PIGN: variants seen among roughly 807,000 people sequenced by gnomAD.
PIGN encodes the protein GPI ethanolamine phosphate transferase 1.
Under a neutral mutation model 125.4 loss-of-function variants are expected in PIGN, and 117 were observed. The ratio of observed to expected loss-of-function variants is 0.93; its 90% CI spans 0.80 to 1.09. The LOEUF (loss-of-function observed/expected upper bound fraction) is 1.09. Ranked by LOEUF, PIGN falls within the 50% of genes least tolerant of loss-of-function variation. The probability of loss-of-function intolerance (pLI) is 0.00; values close to 1 mark genes in which losing one functional copy is unlikely to be tolerated. For synonymous variants in PIGN, 392 were observed against 377.8 expected (o/e 1.04, Z -0.44); for missense variants, 1,075 against 1,094.9 (o/e 0.98, Z 0.26).
chr18:62,020,220 G>T (rs138658364), intron 23 of PIGN, among the ~76,000 whole-genome samples: 1 of 152,330 alleles, frequency 6.6e-6, no homozygotes, highest in East Asian at 1.9e-4. Context: ...CCCCAGAAAG[G>T]CTGCTCTAGA....
At chr18:62,110,218 A>C in intron 16 of PIGN, 1 of 356,962 alleles carries the variant, frequency 2.8e-6, no homozygotes, top group East Asian at 4.6e-5. Context: ...AAAAGTGACT[A>C]TGGCCTTAAA....
intron 7 of PIGN, among the ~76,000 whole-genome samples, chr18:62,148,909 G>C (rs1467729143): frequency 1.3e-5 from 2 of 151,974 alleles, no homozygotes; most frequent in Non-Finnish European, 2.9e-5. Context: ...GTGAGGCTGG[G>C]AATAATTAAT....
At chr18:62,073,170 GGTGT>G (rs34182707) in intron 29 of PIGN, among the ~76,000 whole-genome samples, 3,384 of 145,456 alleles carry the variant, frequency 0.023, 59 homozygotes, top group South Asian at 0.1. Flanking sequence ...AATTATCAGG[GGTGT>G]GTGTGTGTGT....
intron 28 of PIGN, among the ~76,000 whole-genome samples, chr18:62,078,503 C>CA (rs2033287230): frequency 6.6e-6 from 1 of 152,220 alleles, no homozygotes; most frequent in Admixed American, 6.5e-5. Context: ...TACTGACTCT[C>CA]AGAGGCCTTC....
At chr18:62,108,144 A>G (rs1455593993) in intron 17 of PIGN, among the ~76,000 whole-genome samples, 4 of 152,236 alleles carry the variant, frequency 2.6e-5, no homozygotes. Context: ...AACACCAGTC[A>G]AAAGGGGAAT....
At chr18:62,169,997 A>C (rs1241047894) in intron 1 of PIGN, among the ~76,000 whole-genome samples, 1 of 152,184 alleles carries the variant, frequency 6.6e-6, no homozygotes, top group Non-Finnish European at 1.5e-5. Flanking sequence ...TCCCACCAGC[A>C]ATATATGAGA....
chr18:62,023,061 T>G (rs771549950), intron 23 of PIGN, among the ~76,000 whole-genome samples: 22 of 152,218 alleles, frequency 1.4e-4, no homozygotes, highest in Non-Finnish European at 2.4e-4. Flanking sequence ...GATGCAATTT[T>G]TTTTTTCTGA....
rs1287629406 is a variant in PIGN, at chr18:62,043,596, C to T, written c.*2260G>A. The T allele has an allele frequency of 1.3e-5, 2 of 152,078 alleles. No homozygotes were observed. Among genetic ancestry groups the T allele is most frequent in the African/African-American group, 2.4e-5 (1 of 41,416 alleles). 9.4% of individuals were successfully genotyped at this position (152,078 alleles called of 1,614,324 possible). On this transcript the variant is annotated 3_prime_UTR_variant, in exon 31 of 31. Coordinates refer to ENST00000640252, the MANE Select transcript of PIGN (RefSeq NM_176787.5). ...TATGAAAATATACAATCATTTATAA[C>T]ATTATTTTCCTAAAAAATAAAAAAG...
intron 23 of PIGN, among the ~76,000 whole-genome samples, chr18:62,023,084 C>T (rs546790011): frequency 2.5e-4 from 38 of 151,974 alleles, no homozygotes; most frequent in Admixed American, 7.9e-4. Context: ...ATTTTTGATC[C>T]GCTATTGGTT....
At chr18:62,065,174 T>C (rs781330678) in intron 30 of PIGN, among the ~76,000 whole-genome samples, 1 of 152,210 alleles carries the variant, frequency 6.6e-6, no homozygotes, top group Non-Finnish European at 1.5e-5. Flanking sequence ...ATGCCTTCCT[T>C]CCTTCCTTTC....
chr18:62,158,455 G>C (rs774013812), intron 4 of PIGN, among the ~76,000 whole-genome samples: 1 of 152,174 alleles, frequency 6.6e-6, no homozygotes, highest in Non-Finnish European at 1.5e-5. Context: ...CTAATTAGGA[G>C]TTAAATTATA....
At chr18:62,173,407 C>T (rs975789518) in intron 1 of PIGN, among the ~76,000 whole-genome samples, 3 of 152,026 alleles carry the variant, frequency 2.0e-5, no homozygotes, top group East Asian at 1.9e-4. Context: ...TTTTATTTTA[C>T]TTTTTCTAGA....
chr18:62,084,671 C>T, intron 26 of PIGN, 65 bp from the exon 27 acceptor site: 3 of 1,003,246 alleles, frequency 3.0e-6, no homozygotes, highest in Non-Finnish European at 4.6e-6. Context: ...GAATATTCTT[C>T]TAAAAAGATG....
At chr18:62,179,002 C>T (rs546567495) in intron 1 of PIGN, among the ~76,000 whole-genome samples, 37 of 152,206 alleles carry the variant, frequency 2.4e-4, no homozygotes, top group African/African-American at 8.4e-4. Context: ...TCAGACTTTG[C>T]TTGTTTTGAT....
chr18:62,039,938 C>G (rs551770438), downstream of PIGN, among the ~76,000 whole-genome samples: 20 of 46,144 alleles, frequency 4.3e-4, no homozygotes, highest in African/African-American at 2.0e-3. Context: ...ATGTTTAGGG[C>G]CCCATCCAGG....
In PIGN at chr18:62,147,098, G is replaced by C; in HGVS notation, c.678C>G (p.Asp226Glu). ...NGHAHRPSSRDYKHNIKKVDD... is the reference protein window; with the variant it reads ...NGHAHRPSSREYKHNIKKVDD... ...CAACTTTTTTAATATTGTGCTTGTA[G>C]TCTCTATTTGTAAAGAAACAGAGGA... is the stretch of plus-strand genomic sequence containing the variant. Residue 226 changes from aspartate to glutamate, a missense_variant, in exon 9 of 31, where the codon GAC (aspartate) becomes GAG (glutamate). By Grantham distance (45) the Asp-to-Glu change is conservative. This residue lies in a region of PIGN where 915 missense variants were observed against 908.7 expected (regional missense o/e 1.01). Transcript: ENST00000640252. The C allele has an allele frequency of 6.3e-7, 1 of 1,594,086 alleles. No individual in the cohort carries two copies. The highest frequency in any genetic ancestry group is 8.6e-7 in the Non-Finnish European group (1 of 1,166,434).
chr18:62,108,232 T>C (rs2034729456), intron 17 of PIGN, among the ~76,000 whole-genome samples: 2 of 152,284 alleles, frequency 1.3e-5, no homozygotes, highest in African/African-American at 4.8e-5. Context: ...AGACTGTGAA[T>C]TTTTATGTCT....
At chr18:62,035,304 A>C (rs1357744368) in intron 23 of PIGN, among the ~76,000 whole-genome samples, 3 of 152,204 alleles carry the variant, frequency 2.0e-5, no homozygotes, top group Admixed American at 2.0e-4. Context: ...CACCCCAAAG[A>C]AAAGCAATGG....
intron 23 of PIGN, among the ~76,000 whole-genome samples, chr18:62,018,820 C>A (rs1377096646): frequency 6.6e-6 from 1 of 152,014 alleles, no homozygotes; most frequent in Non-Finnish European, 1.5e-5. Context: ...CAGAAAGGAG[C>A]TAACCTCACT....
Sources: allele counts gnomAD v4.1 joint callset (sites outside exome capture counted in the v4.1 genomes callset), GRCh38; gene constraint gnomAD v4.1.1; regional missense constraint gnomAD v4.1.1; transcripts MANE v1.5; gene names NCBI Gene and HGNC (gene_info 2026-07-23, HGNC 2026-07-21).